Variants in PLVAP observed in about 807,000 individuals in gnomAD.
The protein encoded by PLVAP is plasmalemma vesicle associated protein, also known as plasmalemma vesicle-associated protein.
In PLVAP, 34 loss-of-function variants were observed where a neutral mutation model predicts 43.1. The ratio of observed to expected loss-of-function variants is 0.79; its 90% CI spans 0.60 to 1.05. The LOEUF (loss-of-function observed/expected upper bound fraction) is 1.05. PLVAP is among the 50% of genes least tolerant of loss of function. The probability of loss-of-function intolerance (pLI) is 0.00; values close to 1 mark genes in which losing one functional copy is unlikely to be tolerated. For synonymous variants in PLVAP, 241 were observed against 237.3 expected (o/e 1.02, Z -0.14); for missense variants, 574 against 593.4 (o/e 0.97, Z 0.34).
At chr19:17,371,362 T>C (rs1465384201) in intron 1 of PLVAP, among the ~76,000 whole-genome samples, 1 of 151,834 alleles carries the variant, frequency 6.6e-6, no homozygotes, top group Admixed American at 6.6e-5. Flanking sequence ...GGTTGCACCA[T>C]GTTAGCCAGG....
intron 1 of PLVAP, among the ~76,000 whole-genome samples, chr19:17,374,044 C>A (rs1485851192): frequency 1.3e-5 from 2 of 152,156 alleles, no homozygotes; most frequent in Admixed American, 6.6e-5. Flanking sequence ...CACCTGCAAT[C>A]CCAGCTACTC....
intron 3 of PLVAP, among the ~76,000 whole-genome samples, chr19:17,361,614 A>G (rs903333992): frequency 1.3e-5 from 2 of 152,158 alleles, no homozygotes; most frequent in Admixed American, 6.6e-5. Context: ...TCCAAAGCCA[A>G]TTCTGAACTC....
rs772390456 is a variant in PLVAP at position 17,377,247 on chromosome 19, C to T, written c.42G>A (p.Ala14=). The stretch of plus-strand genomic sequence containing the variant: ...ACCAGCAGCCCCGAGAGCTGCCCCC[C>T]GCCCGAGCGTAGGACCCTCCGTGCT... The part of the protein sequence containing the change: ...AMEHGGSYAR[A]GGSSRGCWYY... Residue 14 remains alanine, a synonymous_variant, in exon 1 of 6, where the codon GCG becomes GCA. Coordinates refer to ENST00000252590, the MANE Select transcript of PLVAP (RefSeq NM_031310.3). 3.2e-5 allele frequency: 51 copies of T among 1,613,964 alleles called. No individual in the cohort carries two copies. The Middle Eastern group carries it at 1.7e-3, about 52-fold the overall frequency.
chr19:17,377,314 C>T lies in PLVAP; in HGVS notation c.-26G>A. On this transcript the variant is annotated 5_prime_UTR_variant, in exon 1 of 6. It adds an upstream start codon to the 5' untranslated region. Coordinates refer to ENST00000252590, the MANE Select transcript of PLVAP (RefSeq NM_031310.3). ...TTGCTCGATCCCGCCGTCCGGTGCACCGTCCCTGCTCACCACCAGGCCTGC... is the reference window on the plus strand; with the variant it reads ...TTGCTCGATCCCGCCGTCCGGTGCATCGTCCCTGCTCACCACCAGGCCTGC... The T allele has an allele frequency of 6.3e-7, 1 of 1,575,662 alleles. No homozygotes were observed. Among genetic ancestry groups the T allele is most frequent in the Non-Finnish European group, 8.7e-7 (1 of 1,152,272 alleles).
chr19:17,374,084 C>T (rs1287057403), intron 1 of PLVAP, among the ~76,000 whole-genome samples: 1 of 152,160 alleles, frequency 6.6e-6, no homozygotes, highest in Non-Finnish European at 1.5e-5. Context: ...ATCGCTTGAG[C>T]CTGGGAGGCA....
chr19:17,374,893 A>T (rs1370619389), intron 1 of PLVAP, among the ~76,000 whole-genome samples: 1 of 150,052 alleles, frequency 6.7e-6, no homozygotes, highest in African/African-American at 2.5e-5. Flanking sequence ...ATCTCGGCTC[A>T]CTGCAATCTC....
At chr19:17,375,262 G>A (rs923186384) in intron 1 of PLVAP, among the ~76,000 whole-genome samples, 3 of 152,068 alleles carry the variant, frequency 2.0e-5, no homozygotes, top group African/African-American at 7.2e-5. Flanking sequence ...CCGGTCTTCA[G>A]CCACTTATTT....
At chr19:17,373,760 A>AC (rs1465956873) in intron 1 of PLVAP, among the ~76,000 whole-genome samples, 1 of 151,682 alleles carries the variant, frequency 6.6e-6, no homozygotes, top group Non-Finnish European at 1.5e-5. Flanking sequence ...TCTCCAGGAG[A>AC]CCCCAGATTT....
chr19:17,354,135 CAA>C (rs1007957435), intron 5 of PLVAP, among the ~76,000 whole-genome samples: 6 of 151,912 alleles, frequency 3.9e-5, no homozygotes, highest in African/African-American at 1.5e-4. Flanking sequence ...ACTATAAATA[CAA>C]AAGTTAGCCG....
intron 1 of PLVAP, among the ~76,000 whole-genome samples, chr19:17,374,073 A>C (rs2074585048): frequency 6.6e-6 from 1 of 152,154 alleles, no homozygotes; most frequent in African/African-American, 2.4e-5. Context: ...GAGGCAACAG[A>C]ATCGCTTGAG....
chr19:17,377,002 T>C lies in PLVAP; in HGVS notation c.287A>G (p.Asp96Gly). ...KELNFTTRAKDAIMQMWLNAR... is the reference protein window; with the variant it reads ...KELNFTTRAKGAIMQMWLNAR... ...ATTCAGCCACATCTGCATGATGGCA[T>C]CCTTGGCGCGGGTGGTGAAGTTGAG... The change falls in exon 1 of 6, where the codon GAT (aspartate) becomes GGT (glycine). Residue 96 changes from aspartate to glycine, a missense_variant. Physicochemically the swap from Asp to Gly is moderately conservative, Grantham distance 94. Coordinates refer to ENST00000252590, the MANE Select transcript of PLVAP (RefSeq NM_031310.3). 2 of 1,614,114 alleles carry C rather than the reference T, an allele frequency of 1.2e-6. No individual in the cohort carries two copies. Among genetic ancestry groups the C allele is most frequent in the Non-Finnish European group, 8.5e-7 (1 of 1,180,020 alleles).
At chr19:17,356,566 T>C (rs1017698073) in intron 5 of PLVAP, among the ~76,000 whole-genome samples, 16 of 152,092 alleles carry the variant, frequency 1.1e-4, no homozygotes, top group Admixed American at 7.9e-4. Flanking sequence ...CTTGAACTCC[T>C]AGACTCAAGC....
At chr19:17,357,368 C>A (rs2074510679) in intron 5 of PLVAP, among the ~76,000 whole-genome samples, 1 of 151,838 alleles carries the variant, frequency 6.6e-6, no homozygotes, top group South Asian at 2.1e-4. Context: ...AATGCTGAGT[C>A]TTGTCCCAGC....
In PLVAP at chr19:17,352,017, C is replaced by T. The variant is rs530166590; in HGVS notation, c.*345G>A. On this transcript the variant is annotated 3_prime_UTR_variant, in exon 6 of 6. Transcript: ENST00000252590. ...TCTCGGTGTGACGTCATGCCAAGTTCCCCATGTCTGTGTGCGACGTGCTGC... is the reference window on the plus strand; with the variant it reads ...TCTCGGTGTGACGTCATGCCAAGTTTCCCATGTCTGTGTGCGACGTGCTGC... 1.1e-4 allele frequency: 41 copies of T among 358,862 alleles called. No individual in the cohort carries two copies. The highest frequency in any genetic ancestry group is 7.6e-4 in the Middle Eastern group (1 of 1,308). 22.2% of individuals were successfully genotyped at this position (358,862 alleles called of 1,614,324 possible).
intron 5 of PLVAP, among the ~76,000 whole-genome samples, chr19:17,353,213 G>GGGCCCT (rs1446596767): frequency 2.6e-5 from 4 of 152,264 alleles, no homozygotes; most frequent in East Asian, 1.9e-4. Context: ...GGTTGGCTCT[G>GGGCCCT]GGCCCTGGCC....
intron 1 of PLVAP, among the ~76,000 whole-genome samples, chr19:17,368,377 A>T (rs963605624): frequency 1.3e-5 from 2 of 149,322 alleles, no homozygotes; most frequent in Non-Finnish European, 3.0e-5. Context: ...CGGCCGAACT[A>T]ATTTTTGTAT....
At chr19:17,369,776 G>GGA (rs965732692) in intron 1 of PLVAP, among the ~76,000 whole-genome samples, 1 of 151,406 alleles carries the variant, frequency 6.6e-6, no homozygotes, top group Non-Finnish European at 1.5e-5. Flanking sequence ...CAAGACAGGT[G>GGA]GATCACCTGA....
In PLVAP at chr19:17,352,279, T is replaced by C; in HGVS notation, c.*83A>G. ...GGTTGGGGGCGGCGGGAGGGGGTTG[T>C]GTCGGGCGCTGTGAGCATATCCCTG... On this transcript the variant is annotated 3_prime_UTR_variant, in exon 6 of 6. Transcript: ENST00000252590. 5 of 1,565,908 alleles carry C rather than the reference T, an allele frequency of 3.2e-6. No homozygotes were observed. The highest frequency in any genetic ancestry group is 1.1e-5 in the South Asian group (1 of 90,072).
At chr19:17,353,843 GCCTTGTTC>G (rs1243721130) in intron 5 of PLVAP, among the ~76,000 whole-genome samples, 1 of 152,196 alleles carries the variant, frequency 6.6e-6, no homozygotes, top group African/African-American at 2.4e-5. Context: ...GGGTTTCTGT[GCCTTGTTC>G]CCAGCACCCA....
Sources: gnomAD v4.1 joint callset for allele counts (sites outside exome capture counted in the v4.1 genomes callset) on GRCh38, gnomAD v4.1.1 for gene constraint, MANE v1.5 for transcripts, NCBI Gene and HGNC (gene_info 2026-07-23, HGNC 2026-07-21) for gene names.